Variants in ZNF431 observed in about 807,000 individuals in gnomAD.
The protein encoded by ZNF431 is zinc finger protein 431.
Under a neutral mutation model 57.0 loss-of-function variants are expected in ZNF431, and 34 were observed. That is an observed-to-expected ratio of 0.60 (90% CI 0.45 to 0.79). ZNF431 has a LOEUF of 0.79. Among genes scored for constraint, ZNF431 ranks in the 30% least tolerant of loss-of-function variants. The pLI is 0.00. For missense variants in ZNF431, 607 were observed against 667.1 expected (o/e 0.91, Z 0.99); for synonymous variants, 207 against 220.3 (o/e 0.94, Z 0.54).
rs1053816456 is a variant in ZNF431 at position 21,188,792 on chromosome 19, G to T, written c.*4758G>T. On this transcript the variant is annotated 3_prime_UTR_variant, in exon 5 of 5. Transcript: ENST00000311048. ...CAAACTAGTTTACTGTGTTCACAGA[G>T]TGGCCAGTCATGGGACCATAAGCAA... 1 of 152,146 alleles carries T rather than the reference G, an allele frequency of 6.6e-6. No individual in the cohort carries two copies. Among genetic ancestry groups the T allele is most frequent in the Non-Finnish European group, 1.5e-5 (1 of 68,022 alleles). The allele number at this position is 152,146 out of a possible 1,614,324, so 9.4% of individuals were successfully genotyped here. A position where few individuals can be genotyped will look rare whatever the true frequency, so the allele number is the denominator to read the frequency against.
intron 2 of ZNF431, among the ~76,000 whole-genome samples, chr19:21,158,937 A>T (rs1450073606): frequency 2.0e-5 from 3 of 152,298 alleles, no homozygotes; most frequent in Admixed American, 6.5e-5. Flanking sequence ...GTGTCCATTC[A>T]GTATGTTGGC....
intron 4 of ZNF431, among the ~76,000 whole-genome samples, chr19:21,179,195 T>C (rs1444233068): frequency 6.6e-6 from 1 of 152,232 alleles, no homozygotes; most frequent in Non-Finnish European, 1.5e-5. Flanking sequence ...TTTTTATTTC[T>C]GTGGGGTCAG....
intron 4 of ZNF431, among the ~76,000 whole-genome samples, chr19:21,171,244 T>A (rs971800432): frequency 6.6e-6 from 1 of 152,244 alleles, no homozygotes; most frequent in African/African-American, 2.4e-5. Flanking sequence ...TGCCAATGAT[T>A]CAAAATACCT....
At position 21,166,333 on chromosome 19, in the gene ZNF431, A is replaced by C. The variant is rs768549657; in HGVS notation, c.97-2A>C. 1.9e-6 allele frequency: 3 copies of C among 1,612,484 alleles called. No homozygotes were observed. Among genetic ancestry groups the C allele is most frequent in the Non-Finnish European group, 2.5e-6 (3 of 1,179,500 alleles). On this transcript the variant is annotated splice_acceptor_variant, in intron 2 of 4. Transcript: ENST00000311048. LOFTEE classifies it high-confidence loss of function. ...GTGTGTCTCTGTGCTTGTGTTTTTC[A>C]GGAGACATTGACATTTAGGGATGTG... is the stretch of plus-strand genomic sequence containing the variant.
rs1173319112 is a variant in ZNF431, at chr19:21,188,819, A to G, written c.*4785A>G. On this transcript the variant is annotated 3_prime_UTR_variant, in exon 5 of 5. Coordinates refer to ENST00000311048, the MANE Select transcript of ZNF431 (RefSeq NM_133473.4). ...GGCCAGTCATGGGACCATAAGCAAC[A>G]CCTGCTCTTTGAGTGTCTTTCATAC... 1 of 152,158 alleles carries G rather than the reference A, an allele frequency of 6.6e-6. No individual in the cohort carries two copies. Among genetic ancestry groups the G allele is most frequent in the African/African-American group, 2.4e-5 (1 of 41,440 alleles). 9.4% of individuals were successfully genotyped at this position (152,158 alleles called of 1,614,324 possible).
rs1046877836 is a variant in ZNF431, at chr19:21,194,419, T to G, written c.*10385T>G. On this transcript the variant is annotated 3_prime_UTR_variant, in exon 5 of 5. Transcript: ENST00000311048. ...AAGAATGAATAGAAAATGTCTATGC[T>G]GCCTAGAGCAGCCTACAAAATAAGT... 6 of 152,106 alleles carry G rather than the reference T, an allele frequency of 3.9e-5. No individual in the cohort carries two copies. Among genetic ancestry groups the G allele is most frequent in the Admixed American group, 2.0e-4 (3 of 15,274 alleles). The allele number at this position is 152,106 out of a possible 1,614,324, so 9.4% of individuals were successfully genotyped here. A position where few individuals can be genotyped will look rare whatever the true frequency, so the allele number is the denominator to read the frequency against.
chr19:21,183,582 C>T lies in ZNF431; in HGVS notation c.1279C>T (p.Pro427Ser). Residue 427 changes from proline to serine, a missense_variant, in exon 5 of 5, where the codon CCC (proline) becomes TCC (serine). By Grantham distance (74) the Pro-to-Ser change is moderately conservative (BLOSUM62 -1). Transcript: ENST00000311048. The stretch of plus-strand genomic sequence containing the variant: ...TAAGATGATTCATACTGGAGAGAAA[C>T]CCTACAAATGTGAAGAATGTGGCAA... ...THKMIHTGEK[P>S]YKCEECGKAF... 1 of 1,613,184 alleles carries T rather than the reference C, an allele frequency of 6.2e-7. No individual in the cohort carries two copies. Among genetic ancestry groups the T allele is most frequent in the South Asian group, 1.1e-5 (1 of 91,066 alleles).
rs528881378 is a variant in ZNF431 at position 21,189,926 on chromosome 19, T to C, written c.*5892T>C. 8.8e-5 allele frequency: 35 copies of C among 397,906 alleles called. No individual in the cohort carries two copies. The South Asian group carries it at 2.5e-3, about 28-fold the overall frequency. The allele number at this position is 397,906 out of a possible 1,614,324, so 24.6% of individuals were successfully genotyped here. ...TGGGAGGCCAAGGCCAGTGGATTGC[T>C]TGAGCCCAGGAGTTTGAGACCAGCC... On this transcript the variant is annotated 3_prime_UTR_variant, in exon 5 of 5. Transcript: ENST00000311048.
chr19:21,188,289 A>G lies in ZNF431; in HGVS notation c.*4255A>G, dbSNP rs1484988145. The stretch of plus-strand genomic sequence containing the variant: ...AAAAAAAAAAGATAAAAGGTGCAAT[A>G]CTGTCCACAGGTAAGATAATTAAAT... On this transcript the variant is annotated 3_prime_UTR_variant, in exon 5 of 5. Coordinates refer to ENST00000311048, the MANE Select transcript of ZNF431 (RefSeq NM_133473.4). 7.0e-6 allele frequency: 1 copy of G among 142,684 alleles called. No individual in the cohort carries two copies. Among genetic ancestry groups the G allele is most frequent in the East Asian group, 2.2e-4 (1 of 4,632 alleles). 8.8% of individuals were successfully genotyped at this position (142,684 alleles called of 1,614,324 possible).
chr19:21,152,904 C>A lies in ZNF431; in HGVS notation c.96+9261C>A, dbSNP rs1295534639. On this transcript the variant is annotated intron_variant, in intron 2 of 4. Coordinates refer to ENST00000311048, the MANE Select transcript of ZNF431 (RefSeq NM_133473.4). ...AGACCCCAAGAGAGGGTTCTTAGAT[C>A]TCGCTCAAGAAAGAATTGAGGGCGA... 2.0e-5 allele frequency among the ~76,000 whole-genome samples: 3 copies of A among 152,146 alleles called. No homozygotes were observed. The East Asian group carries it at 5.8e-4, about 29-fold the overall frequency.
At chr19:21,176,010 C>T (rs919952606) in intron 4 of ZNF431, among the ~76,000 whole-genome samples, 2 of 152,210 alleles carry the variant, frequency 1.3e-5, no homozygotes, top group Non-Finnish European at 2.9e-5. Flanking sequence ...TACTGGCTTT[C>T]ACAATGGTTG....
chr19:21,169,229 A>T (rs1322685348), intron 4 of ZNF431, among the ~76,000 whole-genome samples: 3 of 152,144 alleles, frequency 2.0e-5, no homozygotes, highest in Non-Finnish European at 2.9e-5. Context: ...ACAAATTTTA[A>T]TGTACTGTTT....
intron 4 of ZNF431, among the ~76,000 whole-genome samples, chr19:21,174,588 A>G (rs1221963410): frequency 6.6e-6 from 1 of 151,988 alleles, no homozygotes; most frequent in Non-Finnish European, 1.5e-5. Flanking sequence ...ACCTCACCCA[A>G]TTGTGGTTAC....
At position 21,193,577 on chromosome 19, in the gene ZNF431, C is replaced by T. The variant is rs927456491; in HGVS notation, c.*9543C>T. On this transcript the variant is annotated 3_prime_UTR_variant, in exon 5 of 5. Transcript: ENST00000311048. ...ACCTGTGTCATCTTGATACCGAAGTCTAGTGAAGACAACAACAACAAAACT... is the reference window on the plus strand; with the variant it reads ...ACCTGTGTCATCTTGATACCGAAGTTTAGTGAAGACAACAACAACAAAACT... 2.0e-5 allele frequency: 3 copies of T among 152,094 alleles called. No homozygotes were observed. Among genetic ancestry groups the T allele is most frequent in the Non-Finnish European group, 4.4e-5 (3 of 68,002 alleles). 9.4% of individuals were successfully genotyped at this position (152,094 alleles called of 1,614,324 possible). A position where few individuals can be genotyped will look rare whatever the true frequency, so the allele number is the denominator to read the frequency against.
intron 3 of ZNF431, among the ~76,000 whole-genome samples, chr19:21,166,773 G>A (rs963538471): frequency 1.3e-5 from 2 of 152,088 alleles, no homozygotes; most frequent in African/African-American, 4.8e-5. Context: ...TTTGATTCAG[G>A]TAGTAAAATT....
At chr19:21,163,457 C>T (rs1970632218) in intron 2 of ZNF431, among the ~76,000 whole-genome samples, 1 of 152,178 alleles carries the variant, frequency 6.6e-6, no homozygotes, top group South Asian at 2.1e-4. Context: ...GTTTGAAATA[C>T]CCATTCATGG....
intron 4 of ZNF431, among the ~76,000 whole-genome samples, chr19:21,168,968 A>G (rs1052503925): frequency 9.9e-5 from 15 of 151,734 alleles, no homozygotes; most frequent in African/African-American, 2.7e-4. Flanking sequence ...CTGGAGTGCA[A>G]TGGCATAATC....
At position 21,185,409 on chromosome 19, in the gene ZNF431, G is replaced by A. The variant is rs1275448779; in HGVS notation, c.*1375G>A. 3 of 152,168 alleles carry A rather than the reference G, an allele frequency of 2.0e-5. No individual in the cohort carries two copies. The highest frequency in any genetic ancestry group is 4.4e-5 in the Non-Finnish European group (3 of 68,034). 9.4% of individuals were successfully genotyped at this position (152,168 alleles called of 1,614,324 possible). On this transcript the variant is annotated 3_prime_UTR_variant, in exon 5 of 5. Coordinates refer to ENST00000311048, the MANE Select transcript of ZNF431 (RefSeq NM_133473.4). Reference sequence around the variant, plus strand: ...CTTCATTCCTATTGGATTCACATGTGAAAGCATGGGGTTAATTGTTGCTAC... The same window carrying A: ...CTTCATTCCTATTGGATTCACATGTAAAAGCATGGGGTTAATTGTTGCTAC...
Position 21,187,781 on chromosome 19 carries a change from T to C in ZNF431, c.*3747T>C, listed in dbSNP as rs925681699. ...TTTTATTTTCTACTTCTCTTCAGAT[T>C]TGTCTTATGCATTTTCCAACTATGT... On this transcript the variant is annotated 3_prime_UTR_variant, in exon 5 of 5. Coordinates refer to ENST00000311048, the MANE Select transcript of ZNF431 (RefSeq NM_133473.4). 1 of 152,180 alleles carries C rather than the reference T, an allele frequency of 6.6e-6. No homozygotes were observed. Among genetic ancestry groups the C allele is most frequent in the African/African-American group, 2.4e-5 (1 of 41,446 alleles). 9.4% of individuals were successfully genotyped at this position (152,180 alleles called of 1,614,324 possible).
Sources: gnomAD v4.1 joint callset for allele counts (sites outside exome capture counted in the v4.1 genomes callset) on GRCh38, gnomAD v4.1.1 for gene constraint, MANE v1.5 for transcripts, NCBI Gene and HGNC (gene_info 2026-07-23, HGNC 2026-07-21) for gene names.